The following YWHAQ variants were observed in gnomAD, a reference collection of about 807,000 sequenced individuals.
YWHAQ encodes the protein 14-3-3 protein theta.
A neutral mutation model predicts 28.3 loss-of-function variants in YWHAQ; 6 were observed. The ratio of observed to expected loss-of-function variants is 0.21; its 90% CI spans 0.12 to 0.42. The LOEUF (loss-of-function observed/expected upper bound fraction) is 0.42. Ranked by LOEUF, YWHAQ falls within the 10% of genes least tolerant of loss-of-function variation. YWHAQ has a pLI of 1.00. For synonymous variants in YWHAQ, 143 were observed against 119.1 expected (o/e 1.20, Z -1.31); for missense variants, 201 against 305.6 (o/e 0.66, Z 2.55).
chr2:9,605,140 C>CT (rs35332379), intron 2 of YWHAQ, among the ~76,000 whole-genome samples: 22,631 of 138,258 alleles, frequency 0.16, 2,474 homozygotes, highest in Middle Eastern at 0.26. Flanking sequence ...TCTGTTCTCT[C>CT]TTTTTTTTTT....
intron 2 of YWHAQ, among the ~76,000 whole-genome samples, chr2:9,601,565 T>C (rs1455841245): frequency 2.0e-5 from 3 of 152,332 alleles, no homozygotes; most frequent in Middle Eastern, 3.4e-3. Flanking sequence ...TTAACGTTCA[T>C]ATAAAAGGTA....
rs377267463 is a variant in YWHAQ at position 9,610,738 on chromosome 2, C to A, written c.295-19223G>T. On this transcript the variant is annotated intron_variant, in intron 2 of 5. Coordinates refer to ENST00000238081, the MANE Select transcript of YWHAQ (RefSeq NM_006826.4). ...GGTCAGGCTGGTCTCGAACTCCCAA[C>A]CTGAGGTGATCCGTCTGCCTCGGCC... Among the ~76,000 whole-genome samples the A allele has an allele frequency of 1.5e-4, 23 of 152,250 alleles. No homozygotes were observed. The East Asian group carries it at 3.7e-3, about 24-fold the overall frequency.
chr2:9,612,305 G>A (rs905190081), intron 2 of YWHAQ, among the ~76,000 whole-genome samples: 1 of 152,042 alleles, frequency 6.6e-6, no homozygotes, highest in Admixed American at 6.6e-5. Context: ...ATTCCATTGC[G>A]GGCACGTTAA....
At position 9,629,129 on chromosome 2, in the gene YWHAQ, C is replaced by G. The variant is rs180862729; in HGVS notation, c.294+1030G>C. ...CATTCCCTTTTGAAAAATCCCCAGT[C>G]TAGTATGCTTGTCTATCAAAGCCCA... On this transcript the variant is annotated intron_variant, in intron 2 of 5. Coordinates refer to ENST00000238081, the MANE Select transcript of YWHAQ (RefSeq NM_006826.4). 9.2e-5 allele frequency among the ~76,000 whole-genome samples: 14 copies of G among 152,066 alleles called. No individual in the cohort carries two copies. The East Asian group carries it at 2.7e-3, about 29-fold the overall frequency.
intron 2 of YWHAQ, among the ~76,000 whole-genome samples, chr2:9,623,796 T>A (rs572692248): frequency 3.3e-5 from 5 of 151,556 alleles, no homozygotes; most frequent in Non-Finnish European, 7.4e-5. Context: ...AATAAATAAA[T>A]AAAATTAAAT....
Position 9,585,328 on chromosome 2 carries a change from A to G in YWHAQ, c.696T>C (p.Ser232=), listed in dbSNP as rs775943040. The change falls in exon 6 of 6, where the codon AGT becomes AGC. Residue 232 remains serine (S), a synonymous_variant. Coordinates refer to ENST00000238081, the MANE Select transcript of YWHAQ (RefSeq NM_006826.4). ...RDNLTLWTSD[S]AGEECDAAEG... Reference sequence around the variant, plus strand: ...CTGCCGCATCACATTCTTCTCCTGCACTGTCTGATGTCCAAAGCTAGAAAA... The same window carrying G: ...CTGCCGCATCACATTCTTCTCCTGCGCTGTCTGATGTCCAAAGCTAGAAAA... The G allele has an allele frequency of 1.9e-6, 3 of 1,614,044 alleles. No homozygotes were observed. The highest frequency in any genetic ancestry group is 2.7e-5 in the African/African-American group (2 of 74,936).
chr2:9,601,766 C>T (rs1203626080), intron 2 of YWHAQ, among the ~76,000 whole-genome samples: 1 of 152,136 alleles, frequency 6.6e-6, no homozygotes, highest in Non-Finnish European at 1.5e-5. Context: ...CGGCCTCAGC[C>T]TCCTGTGTAG....
chr2:9,596,385 T>C (rs945305271), intron 2 of YWHAQ, among the ~76,000 whole-genome samples: 15 of 152,338 alleles, frequency 9.8e-5, no homozygotes, highest in African/African-American at 3.6e-4. Context: ...AAATTAATCT[T>C]TTAATTCTAA....
intron 2 of YWHAQ, among the ~76,000 whole-genome samples, chr2:9,596,120 A>G (rs1292742323): frequency 2.0e-5 from 3 of 152,344 alleles, no homozygotes; most frequent in East Asian, 1.9e-4. Context: ...ACAATAGACT[A>G]TAACACAAAA....
intron 2 of YWHAQ, among the ~76,000 whole-genome samples, chr2:9,597,985 ATTTT>A (rs547582835): frequency 1.4e-3 from 88 of 62,476 alleles, no homozygotes; most frequent in African/African-American, 8.4e-4. Flanking sequence ...ATGCCGGGCT[ATTTT>A]TTTTTTTTTT....
chr2:9,623,233 G>A (rs1667176416), intron 2 of YWHAQ, among the ~76,000 whole-genome samples: 1 of 152,144 alleles, frequency 6.6e-6, no homozygotes. Context: ...CCAGATTTTT[G>A]TTAGCCTTAA....
chr2:9,610,951 A>C (rs973260377), intron 2 of YWHAQ, among the ~76,000 whole-genome samples: 7 of 152,098 alleles, frequency 4.6e-5, no homozygotes, highest in African/African-American at 1.7e-4. Context: ...CTTTGGACTC[A>C]TTCTCCCTGC....
At chr2:9,597,805 T>A (rs1351786546) in intron 2 of YWHAQ, among the ~76,000 whole-genome samples, 1 of 150,078 alleles carries the variant, frequency 6.7e-6, no homozygotes, top group African/African-American at 2.5e-5. Context: ...TTTTTTTTTA[T>A]TGAGACAGAG....
Position 9,630,478 on chromosome 2 carries a change from C to A in YWHAQ, c.-26G>T, listed in dbSNP as rs1443197542. The A allele has an allele frequency of 1.3e-6, 2 of 1,566,902 alleles. No individual in the cohort carries two copies. The highest frequency in any genetic ancestry group is 1.3e-5 in the African/African-American group (1 of 74,158). Reference sequence around the variant, plus strand: ...GGCGGGCGCGGGGCCGGGGCCGGGGCGGAGGGCGAGGAGAGCGAGGGCGAG... The same window carrying A: ...GGCGGGCGCGGGGCCGGGGCCGGGGAGGAGGGCGAGGAGAGCGAGGGCGAG... On this transcript the variant is annotated 5_prime_UTR_variant, in exon 2 of 6. Transcript: ENST00000238081. This position sits in a 1 kb window ranked among gnomAD's most constrained non-coding sequence, Gnocchi z 5.6.
intron 2 of YWHAQ, among the ~76,000 whole-genome samples, chr2:9,602,735 C>G (rs1278953804): frequency 6.7e-6 from 1 of 148,206 alleles, no homozygotes; most frequent in East Asian, 2.1e-4. Context: ...GTCTCATCAT[C>G]TTGCACAGAC....
chr2:9,600,441 TCA>T (rs1666670541), intron 2 of YWHAQ, among the ~76,000 whole-genome samples: 1 of 152,178 alleles, frequency 6.6e-6, no homozygotes, highest in Non-Finnish European at 1.5e-5. Flanking sequence ...GTGTGGTGAC[TCA>T]TGCCTATAAT....
intron 2 of YWHAQ, among the ~76,000 whole-genome samples, chr2:9,625,319 A>G (rs1406213621): frequency 6.6e-6 from 1 of 151,912 alleles, no homozygotes; most frequent in African/African-American, 2.4e-5. Context: ...CCTACAATCT[A>G]AGGGCAAAAC....
At chr2:9,603,253 G>A (rs1572994707) in intron 2 of YWHAQ, among the ~76,000 whole-genome samples, 1 of 145,876 alleles carries the variant, frequency 6.9e-6, no homozygotes. Context: ...GCAAAACAAA[G>A]TACAATTCTC....
chr2:9,614,042 C>T (rs752026916), intron 2 of YWHAQ, among the ~76,000 whole-genome samples: 4 of 152,200 alleles, frequency 2.6e-5, no homozygotes, highest in Non-Finnish European at 4.4e-5. Context: ...ATTCCAGATG[C>T]TATTAGCAAT....
Sources: allele counts gnomAD v4.1 joint callset (sites outside exome capture counted in the v4.1 genomes callset), GRCh38; gene constraint gnomAD v4.1.1; non-coding constraint Gnocchi (gnomAD v3.1); transcripts MANE v1.5; gene names NCBI Gene and HGNC (gene_info 2026-07-23, HGNC 2026-07-21).